ABR: variants seen among roughly 807,000 people sequenced by gnomAD.
ABR encodes the protein active breakpoint cluster region-related protein.
ABR carries 35 observed loss-of-function variants against 107.2 expected under a neutral mutation model. The observed-to-expected ratio is 0.33, with a 90% CI of 0.25 to 0.43. The LOEUF (loss-of-function observed/expected upper bound fraction) is 0.43. Among genes scored for constraint, ABR ranks in the 20% least tolerant of loss-of-function variants. ABR has a pLI of 1.00. For missense variants in ABR, 815 were observed against 1,115.2 expected, an observed-to-expected ratio of 0.73 and a Z score of 3.83; for synonymous variants, 498 against 462.0, an observed-to-expected ratio of 1.08 and a Z score of -1.00.
intron 2 of ABR, among the ~76,000 whole-genome samples, chr17:1,124,470 GT>G (rs1269710453): frequency 6.6e-6 from 1 of 152,190 alleles, no homozygotes; most frequent in Non-Finnish European, 1.5e-5. Flanking sequence ...CAGAACCTCT[GT>G]TTTGCTCGTT....
At chr17:1,187,176 C>G in exon 1 of ABR, 1 of 152,400 alleles carries the variant, frequency 6.6e-6, no homozygotes, top group East Asian at 1.9e-4. Context: ...GCTCACCATT[C>G]AGCAAGGCGA....
rs972518297 is a variant in ABR at position 1,109,233 on chromosome 17, T to TCCGCCGCCG, written c.247-8507_247-8499dup. ...GCATCCCGGACCTAGTCCAGCCCGC[T>TCCGCCGCCG]CCGCCGCCGCCGCCGCCGCCTCGCG... On this transcript the variant is annotated intron_variant, in intron 2 of 22. Coordinates refer to ENST00000302538, the MANE Select transcript of ABR (RefSeq NM_021962.5). 1.9e-4 allele frequency: 179 copies of TCCGCCGCCG among 924,278 alleles called. 1 individual carries two copies. The African/African-American group carries it at 2.9e-3, about 15-fold the overall frequency. The allele number at this position is 924,278 out of a possible 1,614,324, so 57.3% of individuals were successfully genotyped here. A position where few individuals can be genotyped will look rare whatever the true frequency, so the allele number is the denominator to read the frequency against.
chr17:1,193,449 G>A (rs529828879), intron 1 of ABR, among the ~76,000 whole-genome samples: 6 of 152,244 alleles, frequency 3.9e-5, no homozygotes, highest in East Asian at 3.9e-4. Context: ...CAGTCACCAC[G>A]CCCGCTTTAC....
intron 2 of ABR, among the ~76,000 whole-genome samples, chr17:1,107,976 A>C (rs1226953386): frequency 2.0e-5 from 3 of 152,172 alleles, no homozygotes; most frequent in Non-Finnish European, 4.4e-5. Context: ...TGTGAGGGGC[A>C]GGGAGGCCCA....
At chr17:1,091,873 G>A (rs770500293) in intron 3 of ABR, 23 bp from the exon 4 acceptor site, 1 of 1,606,562 alleles carries the variant, frequency 6.2e-7, no homozygotes, top group South Asian at 1.1e-5. Flanking sequence ...GAGGAAGAAA[G>A]AGCAGAGGTC....
intron 16 of ABR, among the ~76,000 whole-genome samples, chr17:1,032,661 C>CAGAGGACGCCACAGGCAACCA (rs1407110844): frequency 2.7e-5 from 4 of 148,842 alleles, no homozygotes; most frequent in Admixed American, 6.8e-5. Context: ...GTGCTGGGCG[C>CAGAGGACGCCACAGGCAACCA]CTTGAGAGAG....
intron 1 of ABR, among the ~76,000 whole-genome samples, chr17:1,135,495 G>GC (rs1400277297): frequency 1.3e-5 from 2 of 150,094 alleles, no homozygotes; most frequent in Admixed American, 6.7e-5. Flanking sequence ...CTTATTTTCT[G>GC]CCCAAGAATT....
At chr17:1,040,953 G>A (rs1295733915) in intron 16 of ABR, among the ~76,000 whole-genome samples, 1 of 152,180 alleles carries the variant, frequency 6.6e-6, no homozygotes, top group Non-Finnish European at 1.5e-5. Flanking sequence ...TCGCTCTGTA[G>A]CCCAGGCTGG....
intron 4 of ABR, among the ~76,000 whole-genome samples, chr17:1,085,110 C>CTTTTT (rs1230702293): frequency 7.9e-6 from 1 of 126,126 alleles, no homozygotes; most frequent in Non-Finnish European, 1.6e-5. Flanking sequence ...CCAATTAAAA[C>CTTTTT]TTTTTTTTTT....
At chr17:1,122,202 C>A (rs2039386996) in intron 2 of ABR, among the ~76,000 whole-genome samples, 1 of 152,192 alleles carries the variant, frequency 6.6e-6, no homozygotes. Context: ...CGCGCCCAGC[C>A]TGAGAGTAAT....
chr17:1,222,035 G>A (rs1007815091), intron 1 of ABR, among the ~76,000 whole-genome samples: 3 of 150,262 alleles, frequency 2.0e-5, no homozygotes, highest in Non-Finnish European at 3.0e-5. Context: ...AGACACCATC[G>A]AGGAAGAGTA....
chr17:1,018,295 G>A (rs1225071626), intron 16 of ABR, among the ~76,000 whole-genome samples: 4 of 152,192 alleles, frequency 2.6e-5, no homozygotes, highest in Non-Finnish European at 4.4e-5. Flanking sequence ...GCCCACCTCG[G>A]CCTCCCAAAG....
At chr17:1,021,645 A>C (rs1428898734) in intron 16 of ABR, among the ~76,000 whole-genome samples, 1 of 151,788 alleles carries the variant, frequency 6.6e-6, no homozygotes, top group South Asian at 2.1e-4. Context: ...CTCTACTAAA[A>C]ATACAAAAAT....
intron 2 of ABR, among the ~76,000 whole-genome samples, chr17:1,105,132 C>G (rs1458730116): frequency 2.0e-5 from 3 of 151,730 alleles, no homozygotes; most frequent in African/African-American, 7.3e-5. Context: ...CTTCAGCCTC[C>G]TGAGTAGTTG....
Position 1,079,164 on chromosome 17 carries a change from GCACACGCGCACTCAGCTCACACT to G in ABR, c.700+143_700+165del, listed in dbSNP as rs898431642. On this transcript the variant is annotated intron_variant, in intron 6 of 22. Transcript: ENST00000302538. ...ACGAGGCTAGAGTCCTCGCGTGCGCGCACACGCGCACTCAGCTCACACTCACACGCGCTCACACACGCTCACGC... is the reference window on the plus strand; with the variant it reads ...ACGAGGCTAGAGTCCTCGCGTGCGCGCACACGCGCTCACACACGCTCACGC... 5.0e-5 allele frequency: 73 copies of G among 1,451,762 alleles called. No homozygotes were observed. The Admixed American group carries it at 8.3e-4, about 17-fold the overall frequency. 89.9% of individuals were successfully genotyped at this position (1,451,762 alleles called of 1,614,324 possible).
rs1344070640 is a variant in ABR at position 1,092,085 on chromosome 17, G to T, written c.346-235C>A. Among the ~76,000 whole-genome samples, 1 of 152,092 alleles carries T rather than the reference G, an allele frequency of 6.6e-6. No individual in the cohort carries two copies. The highest frequency in any genetic ancestry group is 2.4e-5 in the African/African-American group (1 of 41,422). The stretch of plus-strand genomic sequence containing the variant: ...GGCAGCTGTGCCAGGCCCGAGGGGT[G>T]GTGCCTGGGCTCACTCCCCTACCAC... On this transcript the variant is annotated intron_variant, in intron 3 of 22. Coordinates refer to ENST00000302538, the MANE Select transcript of ABR (RefSeq NM_021962.5). The surrounding 1 kb of genome is among the most constrained non-coding windows in gnomAD (Gnocchi z 4.6).
At chr17:1,043,334 A>T (rs914778098) in intron 16 of ABR, among the ~76,000 whole-genome samples, 2 of 151,068 alleles carry the variant, frequency 1.3e-5, no homozygotes, top group Admixed American at 1.3e-4. Context: ...CGCCCGGCTA[A>T]TTTTTTTTAA....
At chr17:1,020,275 G>A (rs996104442) in intron 16 of ABR, among the ~76,000 whole-genome samples, 52 of 152,294 alleles carry the variant, frequency 3.4e-4, no homozygotes, top group African/African-American at 1.1e-3. Flanking sequence ...TAGAGACGGG[G>A]TTTCACCGTG....
Position 1,010,578 on chromosome 17 carries a change from C to G in ABR, c.2236+151G>C. 2 of 1,061,850 alleles carry G rather than the reference C, an allele frequency of 1.9e-6. No individual in the cohort carries two copies. The highest frequency in any genetic ancestry group is 3.1e-4 in the Middle Eastern group (1 of 3,264). 65.8% of individuals were successfully genotyped at this position (1,061,850 alleles called of 1,614,324 possible). A position where few individuals can be genotyped will look rare whatever the true frequency, so the allele number is the denominator to read the frequency against. On this transcript the variant is annotated intron_variant, in intron 20 of 22. Coordinates refer to ENST00000302538, the MANE Select transcript of ABR (RefSeq NM_021962.5). This position sits in a 1 kb window ranked among gnomAD's most constrained non-coding sequence, Gnocchi z 4.1. ...CCAGGTCCCAGCAGGCCACACCTCA[C>G]CCTCGGACCCCTCAGCCACAGGCCC...
Sources: allele counts gnomAD v4.1 joint callset (sites outside exome capture counted in the v4.1 genomes callset), GRCh38; gene constraint gnomAD v4.1.1; non-coding constraint Gnocchi (gnomAD v3.1); transcripts MANE v1.5; gene names NCBI Gene and HGNC (gene_info 2026-07-23, HGNC 2026-07-21).